Variants in NOL4L observed in about 807,000 individuals in gnomAD.
The protein encoded by NOL4L is nucleolar protein 4-like.
Under a neutral mutation model 64.5 loss-of-function variants are expected in NOL4L, and 7 were observed. The observed-to-expected ratio is 0.11, with a 90% CI of 0.06 to 0.20. The LOEUF is 0.20. Among genes scored for constraint, NOL4L ranks in the 10% least tolerant of loss-of-function variants. The probability of loss-of-function intolerance (pLI) is 1.00; values close to 1 mark genes in which losing one functional copy is unlikely to be tolerated. For synonymous variants in NOL4L, 413 were observed against 401.0 expected, an observed-to-expected ratio of 1.03 and a Z score of -0.36; for missense variants, 680 against 967.1, an observed-to-expected ratio of 0.70 and a Z score of 3.94.
chr20:32,584,169 A>ACACC (rs1980731264), intron 1 of NOL4L, among the ~76,000 whole-genome samples: 2 of 118,054 alleles, frequency 1.7e-5, no homozygotes, highest in South Asian at 3.2e-4. Context: ...ACACACACAC[A>ACACC]CCGCCCAGCC....
chr20:32,488,861 T>C (rs1031852920), intron 4 of NOL4L, among the ~76,000 whole-genome samples: 4 of 105,054 alleles, frequency 3.8e-5, no homozygotes, highest in African/African-American at 1.6e-4. Context: ...CTTTCTTTCT[T>C]TCTTTCTTTC....
intron 4 of NOL4L, among the ~76,000 whole-genome samples, chr20:32,499,292 T>C (rs1301456247): frequency 6.6e-6 from 1 of 152,196 alleles, no homozygotes. Flanking sequence ...GGGCTCATGG[T>C]GCTCCTGGTT....
intron 1 of NOL4L, among the ~76,000 whole-genome samples, chr20:32,567,540 T>C (rs987538865): frequency 1.3e-5 from 2 of 152,164 alleles, no homozygotes; most frequent in African/African-American, 4.8e-5. Context: ...GTCAGACTCA[T>C]ACACTTCCCC....
At chr20:32,546,759 G>T (rs2018738492) in intron 1 of NOL4L, among the ~76,000 whole-genome samples, 1 of 152,178 alleles carries the variant, frequency 6.6e-6, no homozygotes, top group African/African-American at 2.4e-5. Context: ...TTCCCTTCTG[G>T]CCTGGGCAAG....
At chr20:32,486,899 A>G (rs2016111427) in intron 4 of NOL4L, 1 of 413,760 alleles carries the variant, frequency 2.4e-6, no homozygotes, top group African/African-American at 2.1e-5. Flanking sequence ...CCAGAAAGAG[A>G]AACTCCACAA....
intron 4 of NOL4L, among the ~76,000 whole-genome samples, chr20:32,488,761 T>TCCTC (rs1404358232): frequency 9.2e-5 from 5 of 54,614 alleles, no homozygotes. Flanking sequence ...CTTCCTTCCT[T>TCCTC]CCTTCCTTCC....
intron 2 of NOL4L, among the ~76,000 whole-genome samples, chr20:32,525,967 A>G (rs1600831518): frequency 6.6e-6 from 1 of 152,274 alleles, no homozygotes; most frequent in East Asian, 1.9e-4. Context: ...CATGTTGGCC[A>G]GGCTGGTCTC....
chr20:32,562,054 G>C (rs1360814835), intron 1 of NOL4L, among the ~76,000 whole-genome samples: 1 of 152,114 alleles, frequency 6.6e-6, no homozygotes, highest in African/African-American at 2.4e-5. Context: ...AAAGACCACA[G>C]GCGCGCTTAC....
chr20:32,458,955 C>G (rs1282307243), intron 5 of NOL4L, among the ~76,000 whole-genome samples: 2 of 152,234 alleles, frequency 1.3e-5, no homozygotes, highest in African/African-American at 2.4e-5. Context: ...AGGTCAGATG[C>G]CCGGCACGGG....
chr20:32,563,770 C>A (rs1979244625), intron 1 of NOL4L, among the ~76,000 whole-genome samples: 1 of 152,182 alleles, frequency 6.6e-6, no homozygotes, highest in African/African-American at 2.4e-5. Context: ...AGCCATAGCG[C>A]TAGGACTTAC....
chr20:32,579,286 CAT>C (rs1179853555), intron 1 of NOL4L, among the ~76,000 whole-genome samples: 1 of 152,216 alleles, frequency 6.6e-6, no homozygotes, highest in Non-Finnish European at 1.5e-5. Context: ...CCAGCCTGCA[CAT>C]AGATAGGAAC....
At chr20:32,543,296 T>C (rs1380141744) in intron 1 of NOL4L, among the ~76,000 whole-genome samples, 1 of 152,126 alleles carries the variant, frequency 6.6e-6, no homozygotes, top group Admixed American at 6.5e-5. Flanking sequence ...CTGGCCAACA[T>C]GGTGAAACCC....
At chr20:32,541,008 TACACACACACAC>T (rs10675320) in intron 1 of NOL4L, among the ~76,000 whole-genome samples, 14 of 133,602 alleles carry the variant, frequency 1.0e-4, no homozygotes, top group Non-Finnish European at 1.3e-4. Flanking sequence ...CGCCACCCCC[TACACACACACAC>T]ACACACACAC....
At position 32,443,662 on chromosome 20, in the gene NOL4L, A is replaced by C. The variant is rs2012218956; in HGVS notation, c.*3934T>G. 6.6e-6 allele frequency: 1 copy of C among 152,214 alleles called. No individual in the cohort carries two copies. Among genetic ancestry groups the C allele is most frequent in the South Asian group, 2.1e-4 (1 of 4,830 alleles). The allele number at this position is 152,214 out of a possible 1,614,324, so 9.4% of individuals were successfully genotyped here. On this transcript the variant is annotated 3_prime_UTR_variant, in exon 11 of 11. Transcript: ENST00000621426. ...GATATGGAACTCATGCTCTTCCAAA[A>C]CATGTCTAAATTATGCCAGAGGACT...
At chr20:32,448,313 C>T (rs1032308193) in intron 10 of NOL4L, among the ~76,000 whole-genome samples, 1 of 152,096 alleles carries the variant, frequency 6.6e-6, no homozygotes, top group African/African-American at 2.4e-5. Context: ...CTGAGAGATG[C>T]GTGTGGGGAA....
In NOL4L at chr20:32,464,596, C is replaced by T. The variant is rs2014384342; in HGVS notation, c.842-8201G>A. Among the ~76,000 whole-genome samples the T allele has an allele frequency of 6.6e-6, 1 of 152,200 alleles. No individual in the cohort carries two copies. Among genetic ancestry groups the T allele is most frequent in the African/African-American group, 2.4e-5 (1 of 41,438 alleles). On this transcript the variant is annotated intron_variant, in intron 5 of 10. Transcript: ENST00000621426. The surrounding 1 kb of genome is among the most constrained non-coding windows in gnomAD (Gnocchi z 5.6). ...CAGCATGCGCCTCCTCTGCGTGTGCCCCTCAGTGCCCGGGCAGTGGGCGTT... is the reference window on the plus strand; with the variant it reads ...CAGCATGCGCCTCCTCTGCGTGTGCTCCTCAGTGCCCGGGCAGTGGGCGTT...
intron 5 of NOL4L, among the ~76,000 whole-genome samples, chr20:32,461,522 A>G (rs1050974932): frequency 6.9e-6 from 1 of 144,936 alleles, no homozygotes; most frequent in Admixed American, 7.1e-5. Flanking sequence ...TCCCGGGTTC[A>G]TGCCATTCTC....
intron 4 of NOL4L, among the ~76,000 whole-genome samples, chr20:32,481,888 C>G (rs1600720692): frequency 1.3e-5 from 2 of 151,174 alleles, no homozygotes; most frequent in Admixed American, 1.3e-4. Context: ...AGATGGCTCT[C>G]CCCAGAAGAG....
At chr20:32,455,491 G>C (rs567268346) in intron 6 of NOL4L, among the ~76,000 whole-genome samples, 87 of 152,308 alleles carry the variant, frequency 5.7e-4, no homozygotes, top group African/African-American at 2.1e-3. Flanking sequence ...CTCCAGGAAG[G>C]CACCTCTGGC....
Sources: gnomAD v4.1 joint callset for allele counts (sites outside exome capture counted in the v4.1 genomes callset) on GRCh38, gnomAD v4.1.1 for gene constraint, Gnocchi (gnomAD v3.1) non-coding constraint, MANE v1.5 for transcripts, NCBI Gene and HGNC (gene_info 2026-07-23, HGNC 2026-07-21) for gene names.